Variants in RBMS3 observed in about 807,000 individuals in gnomAD.
The protein encoded by RBMS3 is RNA binding motif single stranded interacting protein 3.
Under a neutral mutation model 66.8 loss-of-function variants are expected in RBMS3, and 27 were observed. The ratio of observed to expected loss-of-function variants is 0.40; its 90% confidence interval spans 0.30 to 0.56. The LOEUF is 0.56. Among genes scored for constraint, RBMS3 ranks in the 20% least tolerant of loss-of-function variants. The pLI is 0.40. For missense variants in RBMS3, 513 were observed against 549.5 expected, an observed-to-expected ratio of 0.93 and a Z score of 0.66; for synonymous variants, 188 against 183.0, an observed-to-expected ratio of 1.03 and a Z score of -0.22.
At chr3:29,822,038 C>G (rs2058088564) in intron 6 of RBMS3, among the ~76,000 whole-genome samples, 1 of 152,196 alleles carries the variant, frequency 6.6e-6, no homozygotes. Context: ...TTACTTCAAA[C>G]TCAAATATAT....
In RBMS3 at chr3:29,964,383, T is replaced by C. The variant is rs114558304; in HGVS notation, c.1098+20129T>C. ...CAGGTAAGAAAGTAGAGTGGTATGA[T>C]AGCAGAAATACAGTGCCAGGATACA... On this transcript the variant is annotated intron_variant, in intron 12 of 14. Coordinates refer to ENST00000383767, the MANE Select transcript of RBMS3 (RefSeq NM_001003793.3). Among the ~76,000 whole-genome samples the C allele has an allele frequency of 1.9e-3, 294 of 152,310 alleles. 1 individual carries two copies. The highest frequency in any genetic ancestry group is 6.7e-3 in the African/African-American group (279 of 41,570).
intron 1 of RBMS3, among the ~76,000 whole-genome samples, chr3:29,301,755 A>G (rs2125446959): frequency 6.6e-6 from 1 of 152,144 alleles, no homozygotes; most frequent in Admixed American, 6.6e-5. Context: ...TAGCATGCTT[A>G]AGAAGCCTCT....
At chr3:29,880,453 G>A (rs992379389) in intron 7 of RBMS3, among the ~76,000 whole-genome samples, 2 of 152,120 alleles carry the variant, frequency 1.3e-5, no homozygotes, top group African/African-American at 2.4e-5. Flanking sequence ...TTTAGTGATT[G>A]TATAATGATG....
chr3:29,402,700 A>G (rs190716354), intron 1 of RBMS3, among the ~76,000 whole-genome samples: 46 of 152,166 alleles, frequency 3.0e-4, no homozygotes, highest in Non-Finnish European at 5.4e-4. Flanking sequence ...TCTTGACTCC[A>G]AAATGTAGCA....
intron 4 of RBMS3, among the ~76,000 whole-genome samples, chr3:29,613,432 A>T (rs1044036345): frequency 6.6e-6 from 1 of 152,122 alleles, no homozygotes; most frequent in East Asian, 1.9e-4. Flanking sequence ...TGGGTCACAC[A>T]ATTTTCCTAT....
At chr3:29,308,765 A>G (rs1266737851) in intron 1 of RBMS3, among the ~76,000 whole-genome samples, 2 of 149,406 alleles carry the variant, frequency 1.3e-5, no homozygotes, top group Non-Finnish European at 3.0e-5. Flanking sequence ...ACAAAAAAAA[A>G]AACGGGAAAG....
chr3:29,581,670 G>A (rs529548291), intron 3 of RBMS3, among the ~76,000 whole-genome samples: 132 of 152,254 alleles, frequency 8.7e-4, no homozygotes, highest in African/African-American at 2.8e-3. Context: ...TTTGACTCAC[G>A]GTTGGATTGT....
At chr3:29,739,623 T>G in intron 4 of RBMS3, 97 bp from the exon 5 acceptor site, 2 of 1,143,694 alleles carry the variant, frequency 1.7e-6, no homozygotes, top group Non-Finnish European at 2.4e-6. Context: ...ATTTTGGAGA[T>G]TATTATCTAG....
intron 3 of RBMS3, among the ~76,000 whole-genome samples, chr3:29,575,553 G>C (rs547555462): frequency 6.6e-6 from 1 of 152,082 alleles, no homozygotes; most frequent in Non-Finnish European, 1.5e-5. Flanking sequence ...TCTAGGTTTG[G>C]GAAGTTCTCT....
rs571002730 is a variant in RBMS3, at chr3:29,884,422, TTC to T, written c.791+261_791+262del. On this transcript the variant is annotated intron_variant, in intron 8 of 14. Transcript: ENST00000383767. ...ATGCCTCTGCCCACATTAAACCCTG[TTC>T]TCTCTCTCTCTCTCTCTCTCTCTCT... 4.5e-3 allele frequency among the ~76,000 whole-genome samples: 188 copies of T among 41,866 alleles called. 1 individual carries two copies. Among genetic ancestry groups the T allele is most frequent in the African/African-American group, 6.6e-3 (64 of 9,674 alleles). The allele number at this position is 41,866 out of a possible 152,430, so 27.5% of individuals were successfully genotyped here.
intron 6 of RBMS3, among the ~76,000 whole-genome samples, chr3:29,864,165 A>G (rs2059287568): frequency 6.6e-6 from 1 of 152,158 alleles, no homozygotes; most frequent in South Asian, 2.1e-4. Context: ...AGATGGCTCA[A>G]TAGTTTTTCT....
At chr3:29,282,640 G>C (rs1460638449) in intron 1 of RBMS3, among the ~76,000 whole-genome samples, 1 of 152,028 alleles carries the variant, frequency 6.6e-6, no homozygotes, top group Non-Finnish European at 1.5e-5. Flanking sequence ...GACTTGATTA[G>C]GGGGAAAACA....
intron 4 of RBMS3, among the ~76,000 whole-genome samples, chr3:29,631,492 C>A (rs2049279920): frequency 1.3e-5 from 2 of 151,536 alleles, no homozygotes; most frequent in South Asian, 2.1e-4. Flanking sequence ...TTTTTATTAA[C>A]CTTCATATAA....
At chr3:29,559,993 C>G (rs932226637) in intron 3 of RBMS3, among the ~76,000 whole-genome samples, 2 of 152,144 alleles carry the variant, frequency 1.3e-5, no homozygotes, top group Admixed American at 1.3e-4. Context: ...AGTGTTAGTG[C>G]ATTACATCCT....
At chr3:29,722,749 G>T (rs975873397) in intron 4 of RBMS3, among the ~76,000 whole-genome samples, 1 of 151,906 alleles carries the variant, frequency 6.6e-6, no homozygotes, top group Non-Finnish European at 1.5e-5. Context: ...ATTAGGTTCG[G>T]GTTATGCCTT....
chr3:29,697,010 C>G, intron 4 of RBMS3: 5 of 984,074 alleles, frequency 5.1e-6, no homozygotes, highest in Non-Finnish European at 6.0e-6. Flanking sequence ...TAACTTGCTA[C>G]AAAGGAGGAC....
chr3:29,478,037 G>A (rs1458451827), intron 2 of RBMS3, among the ~76,000 whole-genome samples: 4 of 152,138 alleles, frequency 2.6e-5, no homozygotes, highest in Non-Finnish European at 5.9e-5. Context: ...CCAAAGTGCT[G>A]GGATTACAGG....
chr3:29,315,208 T>C (rs142904665), intron 1 of RBMS3, among the ~76,000 whole-genome samples: 250 of 151,972 alleles, frequency 1.6e-3, no homozygotes, highest in African/African-American at 5.6e-3. Context: ...TAGTAAGAAA[T>C]ATATACATTC....
intron 6 of RBMS3, among the ~76,000 whole-genome samples, chr3:29,782,350 C>T (rs879724656): frequency 6.6e-6 from 1 of 152,204 alleles, no homozygotes; most frequent in Non-Finnish European, 1.5e-5. Flanking sequence ...TGGATCATAT[C>T]ACAAGACTCT....
Sources: gnomAD v4.1 joint callset for allele counts (sites outside exome capture counted in the v4.1 genomes callset) on GRCh38, gnomAD v4.1.1 for gene constraint, MANE v1.5 for transcripts, NCBI Gene and HGNC (gene_info 2026-07-23, HGNC 2026-07-21) for gene names.